The following SP100 variants were observed in gnomAD, a reference collection of about 807,000 sequenced individuals.
The protein encoded by SP100 is SP100 nuclear body protein.
A neutral mutation model predicts 130.0 loss-of-function variants in SP100; 84 were observed. That is an observed-to-expected ratio of 0.65 (90% CI 0.54 to 0.77). The LOEUF is 0.77. SP100 is among the 30% of genes least tolerant of loss of function. The pLI is 0.00. For synonymous variants in SP100, 331 were observed against 351.7 expected (o/e 0.94, Z 0.66); for missense variants, 978 against 1,052.2 (o/e 0.93, Z 0.97).
intron 17 of SP100, among the ~76,000 whole-genome samples, chr2:230,488,010 G>A (rs2066196480): frequency 6.6e-6 from 1 of 152,118 alleles, no homozygotes; most frequent in Admixed American, 6.5e-5. Flanking sequence ...GTAAAGGAAT[G>A]CTTGTGATTT....
chr2:230,461,592 T>C (rs1049183489), intron 9 of SP100, among the ~76,000 whole-genome samples, 178 bp downstream of exon 9: 3 of 151,068 alleles, frequency 2.0e-5, no homozygotes, highest in African/African-American at 7.3e-5. Flanking sequence ...TCCTTAGGAG[T>C]TGGGAAAATA....
intron 11 of SP100, among the ~76,000 whole-genome samples, chr2:230,465,443 A>C (rs891336964): frequency 6.6e-6 from 1 of 152,200 alleles, no homozygotes; most frequent in African/African-American, 2.4e-5. Flanking sequence ...TTTTGAGAGA[A>C]CGTAAATGGA....
At chr2:230,491,489 T>G (rs971395242) in intron 17 of SP100, among the ~76,000 whole-genome samples, 1 of 152,228 alleles carries the variant, frequency 6.6e-6, no homozygotes, top group African/African-American at 2.4e-5. Context: ...GGACACATCT[T>G]GGGACCAAGC....
intron 2 of SP100, 53 bp downstream of exon 2, chr2:230,417,718 G>A (rs1034031722): frequency 6.3e-7 from 1 of 1,578,588 alleles, no homozygotes; most frequent in Non-Finnish European, 8.6e-7. Flanking sequence ...CTTACGATGG[G>A]AAAATTGATC....
intron 2 of SP100, among the ~76,000 whole-genome samples, chr2:230,432,383 G>A (rs968779096): frequency 2.6e-5 from 4 of 152,046 alleles, no homozygotes; most frequent in Admixed American, 2.0e-4. Flanking sequence ...ATACATGTTC[G>A]TTTCTAGGTA....
chr2:230,473,497 G>C, intron 16 of SP100, 57 bp downstream of exon 16: 1 of 994,376 alleles, frequency 1.0e-6, no homozygotes, highest in Non-Finnish European at 1.6e-6. Context: ...CACAGACACT[G>C]GGTAGGGATG....
intron 5 of SP100, among the ~76,000 whole-genome samples, chr2:230,448,075 G>A (rs1028376977): frequency 2.6e-5 from 4 of 152,180 alleles, no homozygotes; most frequent in African/African-American, 9.7e-5. Flanking sequence ...CCAGGAGCAG[G>A]GAATTAAGAC....
At chr2:230,506,237 G>A (rs1690090311) in intron 21 of SP100, 66 bp from the exon 22 acceptor site, 2 of 1,580,188 alleles carry the variant, frequency 1.3e-6, no homozygotes, top group South Asian at 1.1e-5. Flanking sequence ...CCAGACCCCA[G>A]CATGGGGGGA....
chr2:230,416,763 G>T, intron 1 of SP100: 1 of 988,326 alleles, frequency 1.0e-6, no homozygotes, highest in East Asian at 1.1e-4. Context: ...ATCAGACGCT[G>T]TGGTCTCACC....
chr2:230,493,149 T>G (rs1174888073), intron 17 of SP100, among the ~76,000 whole-genome samples: 2 of 152,210 alleles, frequency 1.3e-5, no homozygotes, highest in Non-Finnish European at 2.9e-5. Context: ...ATTTATTCTA[T>G]TATTTTGATT....
chr2:230,512,971 T>G (rs918518014), intron 24 of SP100, among the ~76,000 whole-genome samples: 6 of 152,168 alleles, frequency 3.9e-5, no homozygotes, highest in African/African-American at 1.4e-4. Context: ...CTATGAGAAT[T>G]TAATGCTGCT....
At chr2:230,428,749 GCTACACAC>G (rs2063013518) in intron 2 of SP100, among the ~76,000 whole-genome samples, 1 of 152,046 alleles carries the variant, frequency 6.6e-6, no homozygotes, top group Non-Finnish European at 1.5e-5. Context: ...GCCGAGAAGT[GCTACACAC>G]TTTTAAACTA....
At chr2:230,515,255 A>T in intron 24 of SP100, 1 of 1,613,086 alleles carries the variant, frequency 6.2e-7, no homozygotes, top group Non-Finnish European at 8.5e-7. Flanking sequence ...ATGAAAACCT[A>T]TATCCCTCCT....
intron 2 of SP100, among the ~76,000 whole-genome samples, chr2:230,418,450 C>T (rs1230183511): frequency 6.6e-6 from 1 of 152,196 alleles, no homozygotes; most frequent in Non-Finnish European, 1.5e-5. Flanking sequence ...CTTGTTGTCT[C>T]TTAGTTATTT....
chr2:230,443,108 A>C lies in SP100; in HGVS notation c.270+9A>C. 3.7e-6 allele frequency: 6 copies of C among 1,613,382 alleles called. No homozygotes were observed. The highest frequency in any genetic ancestry group is 3.4e-6 in the Non-Finnish European group (4 of 1,179,534). On this transcript the variant is annotated intron_variant, in intron 3 of 28. Coordinates refer to ENST00000340126, the MANE Select transcript of SP100 (RefSeq NM_001080391.2). ...CAAATAAAATGTTTGAAGTAAGTAA[A>C]GTTTATTATGTCACAATCTGGTAAA...
At chr2:230,423,245 C>T (rs2149859989) in intron 2 of SP100, among the ~76,000 whole-genome samples, 1 of 152,166 alleles carries the variant, frequency 6.6e-6, no homozygotes, top group East Asian at 1.9e-4. Context: ...TGTTTATTGT[C>T]CTAAAAAGTA....
At chr2:230,533,421 TCA>T in intron 24 of SP100, among the ~76,000 whole-genome samples, 1 of 152,324 alleles carries the variant, frequency 6.6e-6, no homozygotes, top group East Asian at 1.9e-4. Context: ...GGACACTAAA[TCA>T]CAGTGTTTGT....
intron 17 of SP100, among the ~76,000 whole-genome samples, chr2:230,486,236 G>A (rs4973325): frequency 0.84 from 126,943 of 151,978 alleles, 53,365 homozygotes; most frequent in Middle Eastern, 0.93. Flanking sequence ...ATGTTCCGGG[G>A]TACATGTGCA....
chr2:230,471,689 A>G (rs1042967982), intron 15 of SP100, among the ~76,000 whole-genome samples: 1 of 152,090 alleles, frequency 6.6e-6, no homozygotes, highest in Admixed American at 6.5e-5. Flanking sequence ...TGCTTGCGAC[A>G]GGTTTGAGGG....
Sources: allele counts gnomAD v4.1 joint callset (sites outside exome capture counted in the v4.1 genomes callset), GRCh38; gene constraint gnomAD v4.1.1; transcripts MANE v1.5; gene names NCBI Gene and HGNC (gene_info 2026-07-23, HGNC 2026-07-21).